Variants in DECR1 observed in about 807,000 individuals in gnomAD.
The protein encoded by DECR1 is 2,4-dienoyl-CoA reductase 1.
Under a neutral mutation model 38.8 loss-of-function variants are expected in DECR1, and 44 were observed. The ratio of observed to expected loss-of-function variants is 1.13; its 90% CI spans 0.89 to 1.46. DECR1 has a LOEUF of 1.46. Ranked by LOEUF, DECR1 falls within the 40% of genes most tolerant of loss-of-function variation. DECR1 has a pLI of 0.00. For missense variants in DECR1, 428 were observed against 405.5 expected, an observed-to-expected ratio of 1.06 and a Z score of -0.48; for synonymous variants, 148 against 135.2, an observed-to-expected ratio of 1.09 and a Z score of -0.66.
At chr8:90,039,889 A>T (rs950187136) in intron 6 of DECR1, among the ~76,000 whole-genome samples, 1 of 152,238 alleles carries the variant, frequency 6.6e-6, no homozygotes, top group Admixed American at 6.5e-5. Context: ...CATGGTAAGT[A>T]TATAATAAAC....
intron 5 of DECR1, among the ~76,000 whole-genome samples, chr8:90,035,834 A>G (rs1475736704): frequency 6.6e-6 from 1 of 152,086 alleles, no homozygotes; most frequent in Non-Finnish European, 1.5e-5. Flanking sequence ...TTACTTATGC[A>G]TCAGCCTAAT....
chr8:90,023,798 A>G (rs1208586202), intron 5 of DECR1, among the ~76,000 whole-genome samples: 2 of 152,050 alleles, frequency 1.3e-5, no homozygotes, highest in Non-Finnish European at 2.9e-5. Context: ...TACATGTGCC[A>G]TGTTGGTGTG....
At chr8:90,005,210 G>A (rs756576126) in intron 1 of DECR1, 27 of 401,234 alleles carry the variant, frequency 6.7e-5, no homozygotes, top group Non-Finnish European at 1.3e-4. Flanking sequence ...GTGTGGAGAC[G>A]AGATCAGTCA....
At chr8:90,033,742 A>G (rs1455872631) in intron 5 of DECR1, among the ~76,000 whole-genome samples, 1 of 152,220 alleles carries the variant, frequency 6.6e-6, no homozygotes, top group Non-Finnish European at 1.5e-5. Context: ...GAATAGTAAA[A>G]TAACTTTCAT....
chr8:90,021,234 A>G lies in DECR1; in HGVS notation c.565+178A>G, dbSNP rs1405225736. 3.0e-4 allele frequency among the ~76,000 whole-genome samples: 46 copies of G among 152,240 alleles called. 1 individual carries two copies. The highest frequency in any genetic ancestry group is 3.0e-3 in the Admixed American group (46 of 15,284). On this transcript the variant is annotated intron_variant, in intron 5 of 9. Transcript: ENST00000220764. The stretch of plus-strand genomic sequence containing the variant: ...TGTTACAATTTGAGCAGTAATAAAT[A>G]TATGTTTCAAGTGCATTGGCAATCC...
At chr8:90,012,985 T>C (rs932150186) in intron 1 of DECR1, among the ~76,000 whole-genome samples, 4 of 152,160 alleles carry the variant, frequency 2.6e-5, no homozygotes, top group Non-Finnish European at 5.9e-5. Context: ...GCTTGGTAAG[T>C]GTAGAGTTTA....
In DECR1 at chr8:90,052,598, A is replaced by T. The variant is rs1309597760; in HGVS notation, c.*701A>T. On this transcript the variant is annotated 3_prime_UTR_variant, in exon 10 of 10. Transcript: ENST00000220764. ...TCATTCTGTCTCCAGAGTTTGGAGA[A>T]TGTGATGCCTAAGAGATAGCATGCC... Among the ~76,000 whole-genome samples, 2 of 152,170 alleles carry T rather than the reference A, an allele frequency of 1.3e-5. No homozygotes were observed. Among genetic ancestry groups the T allele is most frequent in the African/African-American group, 4.8e-5 (2 of 41,456 alleles).
intron 8 of DECR1, among the ~76,000 whole-genome samples, chr8:90,049,550 A>G (rs1372526423): frequency 6.6e-6 from 1 of 152,224 alleles, no homozygotes. Context: ...ATGGAAGAAC[A>G]TTCCATGCTC....
Position 90,052,064 on chromosome 8 carries a change from T to TATTAAA in DECR1, c.*168_*169insTTAAAA. ...TAGCCATTGTATATTCAAAGATAAA[T>TATTAAA]AAAATGAAATATAGTCCTTCAAAAC... On this transcript the variant is annotated 3_prime_UTR_variant, in exon 10 of 10. Transcript: ENST00000220764. The TATTAAA allele has an allele frequency of 1.9e-6, 1 of 524,588 alleles. No individual in the cohort carries two copies. The highest frequency in any genetic ancestry group is 3.2e-6 in the Non-Finnish European group (1 of 310,950). 32.5% of individuals were successfully genotyped at this position (524,588 alleles called of 1,614,324 possible).
chr8:90,051,652 G>C, intron 8 of DECR1, 25 bp from the exon 9 acceptor site: 2 of 1,598,260 alleles, frequency 1.3e-6, no homozygotes, highest in South Asian at 2.2e-5. Flanking sequence ...GTTAGTTTCA[G>C]AGTTTAAAAA....
At chr8:90,043,591 A>T (rs899305093) in intron 7 of DECR1, among the ~76,000 whole-genome samples, 1 of 152,078 alleles carries the variant, frequency 6.6e-6, no homozygotes, top group Non-Finnish European at 1.5e-5. Flanking sequence ...AACATATTGG[A>T]AAATAATACT....
In DECR1 at chr8:90,051,840, C is replaced by T; in HGVS notation, c.951C>T (p.Val317=). The change falls in exon 10 of 10, where the codon GTC becomes GTT. Residue 317 remains valine, a splice_region_variant and synonymous_variant. Transcript: ENST00000220764. The part of the protein sequence containing the change: ...ISGEFNDLRK[V]TKEQWDTIEE... ...AATTGACATCTTTTTTGTGTTAGGTCACCAAGGAGCAGTGGGACACCATAG... is the reference window on the plus strand; with the variant it reads ...AATTGACATCTTTTTTGTGTTAGGTTACCAAGGAGCAGTGGGACACCATAG... 6.2e-7 allele frequency: 1 copy of T among 1,613,658 alleles called. No homozygotes were observed. The highest frequency in any genetic ancestry group is 8.5e-7 in the Non-Finnish European group (1 of 1,179,804).
intron 1 of DECR1, among the ~76,000 whole-genome samples, chr8:90,015,120 T>C (rs1479400236): frequency 1.3e-5 from 2 of 152,092 alleles, no homozygotes; most frequent in Non-Finnish European, 2.9e-5. Flanking sequence ...ATCATACTTA[T>C]TGGATAGATT....
intron 5 of DECR1, among the ~76,000 whole-genome samples, chr8:90,026,582 T>C (rs1813346971): frequency 6.6e-6 from 1 of 152,146 alleles, no homozygotes; most frequent in African/African-American, 2.4e-5. Flanking sequence ...CCCTTTATCA[T>C]TTTTTATTGC....
intron 8 of DECR1, among the ~76,000 whole-genome samples, chr8:90,047,486 A>C (rs561654536): frequency 2.6e-4 from 39 of 152,346 alleles, no homozygotes; most frequent in Non-Finnish European, 5.3e-4. Flanking sequence ...AGAGCTAACT[A>C]TCCTAAATAT....
At chr8:90,028,564 A>C (rs1277555078) in intron 5 of DECR1, among the ~76,000 whole-genome samples, 1 of 152,126 alleles carries the variant, frequency 6.6e-6, no homozygotes, top group African/African-American at 2.4e-5. Flanking sequence ...CACAAGTTGT[A>C]TATTAAATAA....
intron 7 of DECR1, 139 bp from the exon 8 acceptor site, chr8:90,044,710 G>T: frequency 2.7e-6 from 2 of 741,154 alleles, no homozygotes; most frequent in Non-Finnish European, 4.1e-6. Flanking sequence ...AGAATAATTT[G>T]GTGAAATTCT....
intron 1 of DECR1, among the ~76,000 whole-genome samples, chr8:90,012,271 G>C (rs374520991): frequency 6.6e-6 from 1 of 151,738 alleles, no homozygotes; most frequent in Non-Finnish European, 1.5e-5. Flanking sequence ...TCCTGCCTCA[G>C]CCTCTCGAAT....
rs1812610020 is a variant in DECR1, at chr8:90,001,534, G to A, written c.42G>A (p.Arg14=). The change falls in exon 1 of 10, where the codon CGG becomes CGA. Residue 14 remains arginine (R), a synonymous_variant. Coordinates refer to ENST00000220764, the MANE Select transcript of DECR1 (RefSeq NM_001359.2). ...GGGTTTTCTTTACTCTGGGGTCCCG[G>A]CTGCCCTGTGGCCTCGCTCCTCGGA... is the stretch of plus-strand genomic sequence containing the variant. ...PARVFFTLGS[R]LPCGLAPRRF... The A allele has an allele frequency of 1.9e-6, 3 of 1,613,872 alleles. No individual in the cohort carries two copies. The highest frequency in any genetic ancestry group is 2.5e-6 in the Non-Finnish European group (3 of 1,179,886).
Sources: gnomAD v4.1 joint callset for allele counts (sites outside exome capture counted in the v4.1 genomes callset) on GRCh38, gnomAD v4.1.1 for gene constraint, MANE v1.5 for transcripts, NCBI Gene and HGNC (gene_info 2026-07-23, HGNC 2026-07-21) for gene names.